Variants in CTNND2 observed in about 807,000 individuals in gnomAD.
CTNND2 encodes the protein catenin delta-2.
In CTNND2, 22 loss-of-function variants were observed where a neutral mutation model predicts 144.4. The observed-to-expected ratio is 0.15, with a 90% CI of 0.11 to 0.22. The LOEUF is 0.22. Among genes scored for constraint, CTNND2 ranks in the 10% least tolerant of loss-of-function variants. CTNND2 has a pLI of 1.00. For synonymous variants in CTNND2, 751 were observed against 695.6 expected, an observed-to-expected ratio of 1.08 and a Z score of -1.25; for missense variants, 1,353 against 1,618.8, an observed-to-expected ratio of 0.84 and a Z score of 2.82.
chr5:11,564,753 A>G (rs974049364), intron 3 of CTNND2, among the ~76,000 whole-genome samples, 191 bp downstream of exon 3: 4 of 152,264 alleles, frequency 2.6e-5, no homozygotes, highest in African/African-American at 4.8e-5. Context: ...AATTTTGTTA[A>G]AAGAGTTTCA....
chr5:11,528,535 T>C (rs1213875351), intron 3 of CTNND2, among the ~76,000 whole-genome samples: 1 of 151,818 alleles, frequency 6.6e-6, no homozygotes, highest in Non-Finnish European at 1.5e-5. Context: ...TTGAACAGAG[T>C]GGGAAACAAC....
rs1294344515 is a variant in CTNND2 at position 11,384,887 on chromosome 5, T to C, written c.955A>G (p.Ile319Val). 3 of 1,610,890 alleles carry C rather than the reference T, an allele frequency of 1.9e-6. No individual in the cohort carries two copies. The highest frequency in any genetic ancestry group is 2.5e-6 in the Non-Finnish European group (3 of 1,179,146). The change falls in exon 7 of 22, where the codon ATC becomes GTC. Residue 319 changes from isoleucine to valine, a missense_variant. Ile to Val is a conservative substitution (Grantham distance 29). This residue lies in a region of CTNND2 where 708 missense variants were observed against 706.4 expected (regional missense o/e 1.00). Transcript: ENST00000304623. This position sits in a 1 kb window ranked among gnomAD's most constrained non-coding sequence, Gnocchi z 5.2. ...KSYSTSSPIN[I>V]VVSSAGLSPI... ...GACAGGCCGGCCGAGGACACGACGA[T>C]GTTGATGGGCGAGCTGGTGCTGTAG...
chr5:11,002,980 A>G (rs780374653), intron 18 of CTNND2, among the ~76,000 whole-genome samples: 16 of 152,222 alleles, frequency 1.1e-4, no homozygotes, highest in Non-Finnish European at 2.1e-4. Flanking sequence ...AATAATGACT[A>G]GGACACTGTT....
chr5:11,515,870 G>A (rs538020714), intron 3 of CTNND2, among the ~76,000 whole-genome samples: 13 of 152,226 alleles, frequency 8.5e-5, no homozygotes, highest in Middle Eastern at 3.4e-3. Context: ...GAAGCTGAGG[G>A]TGGAAGCTTG....
At chr5:11,868,381 T>C (rs1795875733) in intron 1 of CTNND2, among the ~76,000 whole-genome samples, 2 of 152,122 alleles carry the variant, frequency 1.3e-5, no homozygotes. Context: ...AAAAGAGGTA[T>C]GAAACCCACT....
At chr5:11,736,873 T>G (rs1787709622) in intron 1 of CTNND2, among the ~76,000 whole-genome samples, 1 of 152,200 alleles carries the variant, frequency 6.6e-6, no homozygotes, top group Non-Finnish European at 1.5e-5. Flanking sequence ...CAATGTTTTT[T>G]ACATAATAAG....
intron 3 of CTNND2, among the ~76,000 whole-genome samples, chr5:11,484,758 T>C (rs909013814): frequency 6.6e-6 from 1 of 152,188 alleles, no homozygotes; most frequent in African/African-American, 2.4e-5. Flanking sequence ...CAAATTATCC[T>C]ATTTATGAAA....
At chr5:11,278,606 G>A (rs1030129189) in intron 9 of CTNND2, among the ~76,000 whole-genome samples, 4 of 152,186 alleles carry the variant, frequency 2.6e-5, no homozygotes, top group African/African-American at 9.6e-5. Flanking sequence ...CTTCTGACAT[G>A]AGAGGAGACA....
At chr5:11,083,787 C>G (rs1749848158) in intron 15 of CTNND2, 1 of 597,088 alleles carries the variant, frequency 1.7e-6, no homozygotes, top group Non-Finnish European at 2.2e-6. Flanking sequence ...GTAGGGTCCT[C>G]CTGGGGACCA....
At position 11,312,369 on chromosome 5, in the gene CTNND2, T is replaced by C. The variant is rs572432878; in HGVS notation, c.1628+34003A>G. Among the ~76,000 whole-genome samples the C allele has an allele frequency of 3.9e-5, 6 of 152,036 alleles. No individual in the cohort carries two copies. In the East Asian group the frequency reaches 1.2e-3, roughly 29 times the overall value. On this transcript the variant is annotated intron_variant, in intron 9 of 21. Coordinates refer to ENST00000304623, the MANE Select transcript of CTNND2 (RefSeq NM_001332.4). ...GAAGAAAAAGGGGTTTAATCGGACT[T>C]ACAGTTCCACATGGCTGGGGAGGCC...
intron 9 of CTNND2, among the ~76,000 whole-genome samples, chr5:11,291,248 T>C (rs1748319971): frequency 6.6e-6 from 1 of 152,176 alleles, no homozygotes; most frequent in Non-Finnish European, 1.5e-5. Flanking sequence ...AATGTCTCTT[T>C]TCTTTTCTTT....
At chr5:11,561,250 A>G (rs1776662645) in intron 3 of CTNND2, among the ~76,000 whole-genome samples, 1 of 152,252 alleles carries the variant, frequency 6.6e-6, no homozygotes, top group African/African-American at 2.4e-5. Flanking sequence ...TTCCTGCCTC[A>G]GGTCTGCATA....
At chr5:11,848,317 A>T (rs1296775298) in intron 1 of CTNND2, among the ~76,000 whole-genome samples, 1 of 152,198 alleles carries the variant, frequency 6.6e-6, no homozygotes, top group Non-Finnish European at 1.5e-5. Context: ...GGACAAATAC[A>T]ACTAGGCTAG....
intron 3 of CTNND2, among the ~76,000 whole-genome samples, chr5:11,450,295 C>G (rs1462565565): frequency 6.6e-6 from 1 of 152,186 alleles, no homozygotes. Context: ...GCTGTTATTC[C>G]ATATGTCACC....
intron 8 of CTNND2, among the ~76,000 whole-genome samples, chr5:11,362,506 G>A (rs1756568575): frequency 6.6e-6 from 1 of 152,150 alleles, no homozygotes; most frequent in South Asian, 2.1e-4. Flanking sequence ...AGGAGCTGGA[G>A]AGAGGTAGTT....
chr5:11,053,532 A>G (rs1746054224), intron 16 of CTNND2, among the ~76,000 whole-genome samples: 1 of 152,188 alleles, frequency 6.6e-6, no homozygotes, highest in Non-Finnish European at 1.5e-5. Flanking sequence ...TGCACCATTT[A>G]GACAGTGCAG....
At chr5:11,480,278 A>T (rs1407299815) in intron 3 of CTNND2, among the ~76,000 whole-genome samples, 1 of 152,144 alleles carries the variant, frequency 6.6e-6, no homozygotes, top group South Asian at 2.1e-4. Flanking sequence ...CCCTTACCCA[A>T]TGATTGTTTT....
At chr5:11,126,418 G>A (rs534108616) in intron 12 of CTNND2, among the ~76,000 whole-genome samples, 2 of 152,284 alleles carry the variant, frequency 1.3e-5, no homozygotes, top group South Asian at 2.1e-4. Flanking sequence ...CAATTTTGGA[G>A]GAGATATGGG....
intron 16 of CTNND2, among the ~76,000 whole-genome samples, chr5:11,026,356 C>CTTTTTTT (rs67196223): frequency 2.3e-4 from 27 of 117,032 alleles, no homozygotes; most frequent in Admixed American, 4.2e-4. Flanking sequence ...CCTTCTTCTT[C>CTTTTTTT]TTTTTTTTTT....
Sources: gnomAD v4.1 joint callset for allele counts (sites outside exome capture counted in the v4.1 genomes callset) on GRCh38, gnomAD v4.1.1 for gene constraint, gnomAD v4.1.1 regional missense constraint, Gnocchi (gnomAD v3.1) non-coding constraint, MANE v1.5 for transcripts, NCBI Gene and HGNC (gene_info 2026-07-23, HGNC 2026-07-21) for gene names.